Variants in NDRG3 observed in about 807,000 individuals in gnomAD.
NDRG3 encodes NDRG family member 3.
NDRG3 carries 23 observed loss-of-function variants against 57.2 expected under a neutral mutation model. The ratio of observed to expected loss-of-function variants is 0.40; its 90% confidence interval spans 0.29 to 0.57. The LOEUF (loss-of-function observed/expected upper bound fraction) is 0.57, where lower values mean the gene tolerates loss of function less well. NDRG3 is among the 20% of genes least tolerant of loss of function. NDRG3 has a pLI of 0.42. For missense variants in NDRG3, 384 were observed against 457.3 expected (o/e 0.84, Z 1.46); for synonymous variants, 132 against 162.6 (o/e 0.81, Z 1.43).
chr20:36,723,184 A>G (rs1399868236), intron 1 of NDRG3, among the ~76,000 whole-genome samples: 1 of 152,202 alleles, frequency 6.6e-6, no homozygotes, highest in Non-Finnish European at 1.5e-5. Flanking sequence ...ATGAGAGATA[A>G]TAATTTTGTT....
chr20:36,654,725 C>G, intron 15 of NDRG3: 1 of 775,196 alleles, frequency 1.3e-6, no homozygotes. Flanking sequence ...ATAGGAAGAC[C>G]GCGGACATGC....
chr20:36,667,641 CACA>C (rs1216250017), intron 9 of NDRG3, among the ~76,000 whole-genome samples: 2 of 152,182 alleles, frequency 1.3e-5, no homozygotes, highest in Non-Finnish European at 2.9e-5. Flanking sequence ...TGTGCATACA[CACA>C]ACATCAATAA....
intron 1 of NDRG3, among the ~76,000 whole-genome samples, chr20:36,740,425 C>A (rs1420760016): frequency 6.6e-6 from 1 of 152,180 alleles, no homozygotes; most frequent in Admixed American, 6.5e-5. Context: ...CGGCTCACCA[C>A]AACCTCTGCC....
chr20:36,741,066 CACTTGAAAGT>C (rs1398557799), intron 1 of NDRG3, among the ~76,000 whole-genome samples: 1 of 152,198 alleles, frequency 6.6e-6, no homozygotes, highest in African/African-American at 2.4e-5. Flanking sequence ...TCAATCTTTG[CACTTGAAAGT>C]ACTTTTTGAT....
At chr20:36,677,683 A>C (rs1156435976) in intron 8 of NDRG3, among the ~76,000 whole-genome samples, 1 of 152,178 alleles carries the variant, frequency 6.6e-6, no homozygotes, top group Non-Finnish European at 1.5e-5. Flanking sequence ...CACCTTCTCC[A>C]GGGCCTCCTG....
At position 36,688,752 on chromosome 20, in the gene NDRG3, G is replaced by A; in HGVS notation, c.126C>T (p.Val42=). The A allele has an allele frequency of 6.2e-7, 1 of 1,613,798 alleles. No individual in the cohort carries two copies. Residue 42 remains valine (V), a synonymous_variant, in exon 4 of 16, where the codon GTC becomes GTT. Coordinates refer to ENST00000349004, the MANE Select transcript of NDRG3 (RefSeq NM_032013.4). The part of the protein sequence containing the change: ...EHDIETTHGV[V]HVTIRGLPKG... ...TGGGTAAGCCTCTTATAGTGACGTGGACCACACCATGAGTTGTTTCTATAT... is the reference window on the plus strand; with the variant it reads ...TGGGTAAGCCTCTTATAGTGACGTGAACCACACCATGAGTTGTTTCTATAT...
intron 1 of NDRG3, among the ~76,000 whole-genome samples, chr20:36,740,778 A>G (rs944194499): frequency 2.6e-5 from 4 of 152,246 alleles, no homozygotes; most frequent in Admixed American, 2.0e-4. Flanking sequence ...CCATTTTTGT[A>G]TAACATGCAA....
At chr20:36,727,714 T>G (rs957557735) in intron 1 of NDRG3, among the ~76,000 whole-genome samples, 36 of 151,838 alleles carry the variant, frequency 2.4e-4, no homozygotes, top group Non-Finnish European at 3.5e-4. Context: ...GCTAATTTTT[T>G]GTATTTTTAG....
At chr20:36,673,467 T>A (rs1318567858) in intron 8 of NDRG3, among the ~76,000 whole-genome samples, 2 of 152,060 alleles carry the variant, frequency 1.3e-5, no homozygotes, top group African/African-American at 4.8e-5. Flanking sequence ...AGTGAAGTGG[T>A]GCAATCCAGG....
intron 8 of NDRG3, among the ~76,000 whole-genome samples, chr20:36,672,522 ACAGGTTATG>A: frequency 6.6e-6 from 1 of 152,316 alleles, no homozygotes. Flanking sequence ...TCAGTGATGC[ACAGGTTATG>A]AACTATAGAA....
intron 3 of NDRG3, among the ~76,000 whole-genome samples, chr20:36,703,275 T>C (rs536765209): frequency 3.4e-4 from 52 of 152,154 alleles, no homozygotes; most frequent in African/African-American, 1.2e-3. Flanking sequence ...TTAGAGAGTG[T>C]TGGGACAGAT....
At chr20:36,683,807 T>G (rs1981542794) in intron 6 of NDRG3, among the ~76,000 whole-genome samples, 1 of 151,910 alleles carries the variant, frequency 6.6e-6, no homozygotes, top group South Asian at 2.1e-4. Context: ...ATCTCCAGAA[T>G]ATATCCATCT....
intron 15 of NDRG3, chr20:36,654,989 A>G (rs760853219): frequency 3.0e-6 from 2 of 669,988 alleles, no homozygotes; most frequent in African/African-American, 3.6e-5. Flanking sequence ...AGGCTGACAG[A>G]TACTTCAATA....
At chr20:36,663,011 T>C (rs1979335582) in intron 12 of NDRG3, among the ~76,000 whole-genome samples, 2 of 152,242 alleles carry the variant, frequency 1.3e-5, no homozygotes, top group Non-Finnish European at 2.9e-5. Context: ...AATATTTTCC[T>C]GTATTAAGTA....
In NDRG3 at chr20:36,656,497, C is replaced by G. The variant is rs775768069; in HGVS notation, c.894G>C (p.Gln298His). ...GGTGTTTAAAAAAAATTCTCCTTACCTGAACTACCTGGGGCAGTCCCCCAC... is the reference window on the plus strand; with the variant it reads ...GGTGTTTAAAAAAAATTCTCCTTACGTGAACTACCTGGGGCAGTCCCCCAC... ...ADCGGLPQVV[Q>H]PGKLTEAFKY... is the part of the protein sequence containing the mutation. Residue 298 changes from glutamine to histidine, a missense_variant and splice_region_variant, in exon 14 of 16, where the codon CAG becomes CAC. Gln to His is a conservative substitution (Grantham distance 24). Transcript: ENST00000349004. The G allele has an allele frequency of 6.2e-7, 1 of 1,614,140 alleles. No homozygotes were observed.
chr20:36,674,766 T>A (rs1020561503), intron 8 of NDRG3, among the ~76,000 whole-genome samples: 1 of 151,740 alleles, frequency 6.6e-6, no homozygotes, highest in African/African-American at 2.4e-5. Flanking sequence ...TAAATTTTTG[T>A]TGACACAAAG....
At chr20:36,723,552 G>A (rs1984726327) in intron 1 of NDRG3, among the ~76,000 whole-genome samples, 2 of 151,964 alleles carry the variant, frequency 1.3e-5, no homozygotes, top group South Asian at 4.1e-4. Flanking sequence ...TAGAGATGAT[G>A]TTGATCTACA....
chr20:36,730,672 G>A (rs185010502), intron 1 of NDRG3, among the ~76,000 whole-genome samples: 18 of 152,212 alleles, frequency 1.2e-4, no homozygotes, highest in African/African-American at 3.9e-4. Context: ...GTTGGCCAGG[G>A]CACAGTGGCT....
chr20:36,682,850 G>A (rs1171858146), intron 6 of NDRG3, among the ~76,000 whole-genome samples: 2 of 152,014 alleles, frequency 1.3e-5, no homozygotes, highest in Non-Finnish European at 2.9e-5. Context: ...GGCGGATCAC[G>A]AGGTCAGCAG....
Sources: allele counts gnomAD v4.1 joint callset (sites outside exome capture counted in the v4.1 genomes callset), GRCh38; gene constraint gnomAD v4.1.1; transcripts MANE v1.5; gene names NCBI Gene and HGNC (gene_info 2026-07-23, HGNC 2026-07-21).